The following SMIM35 variants were observed in gnomAD, a reference collection of about 807,000 sequenced individuals.
SMIM35 encodes small integral membrane protein 35.
intron 1 of SMIM35, among the ~76,000 whole-genome samples, chr11:118,054,180 T>C (rs2135108627): frequency 6.6e-6 from 1 of 151,814 alleles, no homozygotes; most frequent in South Asian, 2.1e-4. Flanking sequence ...TTTTTTTGTT[T>C]GTTCTTGTTT....
At chr11:118,018,265 C>T (rs991384308) in intron 1 of SMIM35, among the ~76,000 whole-genome samples, 2 of 152,038 alleles carry the variant, frequency 1.3e-5, no homozygotes, top group East Asian at 3.9e-4. Flanking sequence ...GATGGGGAGT[C>T]ACTTGAGGAC....
rs1591270330 is a variant in SMIM35, at chr11:118,005,403, T to G, written c.*1007A>C. On this transcript the variant is annotated 3_prime_UTR_variant, in exon 5 of 5. Transcript: ENST00000689828. ...CTTGTTATCACCCAGTCCACACCTT[T>G]AAGTGTTATCTGGATGCTGGTGGCT... 3 of 152,350 alleles carry G rather than the reference T, an allele frequency of 2.0e-5. No individual in the cohort carries two copies. In the East Asian group the frequency reaches 5.8e-4, roughly 29 times the overall value. 9.4% of individuals were successfully genotyped at this position (152,350 alleles called of 1,614,324 possible).
rs61740779 is a variant in SMIM35, at chr11:118,015,788, A to C, written c.29T>G (p.Leu10Trp). 2,793 of 399,252 alleles carry C rather than the reference A, an allele frequency of 7.0e-3. 61 individuals carry two copies. Among genetic ancestry groups the C allele is most frequent in the African/African-American group, 0.051 (2,494 of 48,688 alleles). The allele number at this position is 399,252 out of a possible 1,614,324, so 24.7% of individuals were successfully genotyped here. Residue 10 changes from leucine to tryptophan, a missense_variant, in exon 2 of 5, where the codon TTG (leucine) becomes TGG (tryptophan). Coordinates refer to ENST00000689828, the MANE Select transcript of SMIM35 (RefSeq NM_001394165.1). MTGEDSIST[L>W]GLILGVGLLL... ...GAGCCCCACGCCAAGGATCAGGCCC[A>C]AGGTGCTGATGGAGTCCTCACCTGC...
intron 3 of SMIM35, 60 bp downstream of exon 3, chr11:118,014,648 T>G: frequency 5.0e-6 from 2 of 398,774 alleles, no homozygotes; most frequent in Non-Finnish European, 8.8e-6. Context: ...CTTTGATTCT[T>G]TTTCCATTAT....
intron 4 of SMIM35, among the ~76,000 whole-genome samples, chr11:118,011,501 G>C (rs1271828193): frequency 6.6e-6 from 1 of 152,132 alleles, no homozygotes; most frequent in African/African-American, 2.4e-5. Context: ...GGACCAGCCT[G>C]GCCAACATAG....
At chr11:118,048,755 C>T (rs1223837114) in intron 1 of SMIM35, among the ~76,000 whole-genome samples, 1 of 151,236 alleles carries the variant, frequency 6.6e-6, no homozygotes, top group East Asian at 1.9e-4. Context: ...AAACACGGCC[C>T]TAGATTAAAC....
At chr11:118,079,583 C>T (rs938873302) in intron 1 of SMIM35, among the ~76,000 whole-genome samples, 45 of 152,194 alleles carry the variant, frequency 3.0e-4, no homozygotes, top group South Asian at 1.0e-3. Flanking sequence ...ATTACTGTTC[C>T]GGAGACCTAA....
chr11:118,039,902 G>A (rs1231278219), intron 1 of SMIM35, among the ~76,000 whole-genome samples: 6 of 151,948 alleles, frequency 3.9e-5, no homozygotes, highest in African/African-American at 9.7e-5. Flanking sequence ...AAAATTAGCC[G>A]GGTGTGGTGG....
intron 1 of SMIM35, chr11:118,059,138 G>A (rs890308253): frequency 6.6e-6 from 1 of 152,336 alleles, no homozygotes; most frequent in Non-Finnish European, 1.5e-5. Flanking sequence ...GTTCTGCAGA[G>A]GCCAGAGTGT....
At chr11:118,026,195 C>A (rs1409353548) in intron 1 of SMIM35, among the ~76,000 whole-genome samples, 1 of 152,140 alleles carries the variant, frequency 6.6e-6, no homozygotes, top group East Asian at 1.9e-4. Flanking sequence ...GTTACTGTAG[C>A]CTTGTAGTAT....
chr11:118,027,016 C>CTTTTTTTTTTT (rs60864416), intron 1 of SMIM35, among the ~76,000 whole-genome samples: 1,023 of 93,186 alleles, frequency 0.011, 61 homozygotes, highest in East Asian at 0.043. Flanking sequence ...ACCACCACCA[C>CTTTTTTTTTTT]TTTTTTTTTT....
At chr11:118,071,634 A>C (rs79960146) in intron 1 of SMIM35, among the ~76,000 whole-genome samples, 3,089 of 152,270 alleles carry the variant, frequency 0.02, 121 homozygotes, top group African/African-American at 0.071. Context: ...CAGTCACTGA[A>C]ACTGATCTCA....
chr11:118,027,713 C>T lies in SMIM35; in HGVS notation c.8-11904G>A, dbSNP rs981994255. ...CAATCCACCCATTGCCATCAGCCTACGTAAGTACTCACACTTCCAACACCT... is the reference window on the plus strand; with the variant it reads ...CAATCCACCCATTGCCATCAGCCTATGTAAGTACTCACACTTCCAACACCT... On this transcript the variant is annotated intron_variant, in intron 1 of 4. Coordinates refer to ENST00000689828, the MANE Select transcript of SMIM35 (RefSeq NM_001394165.1). Among the ~76,000 whole-genome samples the T allele has an allele frequency of 3.3e-5, 5 of 152,306 alleles. No homozygotes were observed. In the East Asian group the frequency reaches 5.8e-4, roughly 18 times the overall value.
chr11:118,062,388 A>G (rs1347511096), intron 1 of SMIM35, among the ~76,000 whole-genome samples: 1 of 152,202 alleles, frequency 6.6e-6, no homozygotes, highest in East Asian at 1.9e-4. Flanking sequence ...ACATCAAGTC[A>G]GGCTTCCCTT....
rs1167459421 is a variant in SMIM35 at position 118,004,873 on chromosome 11, C to T, written c.*1537G>A. 1.3e-5 allele frequency: 2 copies of T among 152,110 alleles called. No homozygotes were observed. The highest frequency in any genetic ancestry group is 4.8e-5 in the African/African-American group (2 of 41,376). The allele number at this position is 152,110 out of a possible 1,614,324, so 9.4% of individuals were successfully genotyped here. A position where few individuals can be genotyped will look rare whatever the true frequency, so the allele number is the denominator to read the frequency against. On this transcript the variant is annotated 3_prime_UTR_variant, in exon 5 of 5. Coordinates refer to ENST00000689828, the MANE Select transcript of SMIM35 (RefSeq NM_001394165.1). ...TCATCAAGGGTGCAGCTGAGGGCTC[C>T]CTTTAGTAAGTTGTCTAATCTGTAG...
intron 4 of SMIM35, among the ~76,000 whole-genome samples, chr11:118,012,072 G>C (rs1268590882): frequency 2.6e-5 from 4 of 152,182 alleles, no homozygotes; most frequent in Non-Finnish European, 4.4e-5. Flanking sequence ...TTGGGAAAGG[G>C]AGCACAGGAA....
chr11:118,034,754 G>A (rs1327697796), intron 1 of SMIM35, among the ~76,000 whole-genome samples: 2 of 152,114 alleles, frequency 1.3e-5, no homozygotes, highest in Non-Finnish European at 2.9e-5. Flanking sequence ...GAAAGTAGGA[G>A]GGAAATGGCT....
At position 118,073,355 on chromosome 11, in the gene SMIM35, A is replaced by T. The variant is rs7947166; in HGVS notation, c.7+13396T>A. Among the ~76,000 whole-genome samples the T allele has an allele frequency of 9.6e-3, 1,462 of 152,356 alleles. 19 individuals carry two copies. Among genetic ancestry groups the T allele is most frequent in the African/African-American group, 0.033 (1,353 of 41,584 alleles). ...TAAATAAGATGCCCATGGTTACGCA[A>T]ATCATTAGTGGCTGAGATTAGGAGG... On this transcript the variant is annotated intron_variant, in intron 1 of 4. Transcript: ENST00000689828.
At chr11:118,034,197 AGATG>A (rs67553545) in intron 1 of SMIM35, among the ~76,000 whole-genome samples, 122,359 of 151,674 alleles carry the variant, frequency 0.81, 49,777 homozygotes, top group East Asian at 0.93. Flanking sequence ...TGAAACCAGT[AGATG>A]GATGGAGGTT....
Sources: gnomAD v4.1 joint callset for allele counts (sites outside exome capture counted in the v4.1 genomes callset) on GRCh38, gnomAD v4.1.1 for gene constraint, MANE v1.5 for transcripts, NCBI Gene and HGNC (gene_info 2026-07-23, HGNC 2026-07-21) for gene names.